MED12L: variants seen among roughly 807,000 people sequenced by gnomAD.
The protein encoded by MED12L is mediator complex subunit 12L, also known as mediator of RNA polymerase II transcription subunit 12-like protein.
MED12L carries 60 observed loss-of-function variants against 281.3 expected under a neutral mutation model. That is an observed-to-expected ratio of 0.21 (90% CI 0.17 to 0.26). MED12L has a LOEUF of 0.26. Among genes scored for constraint, MED12L ranks in the 10% least tolerant of loss-of-function variants. The pLI is 1.00. For synonymous variants in MED12L, 974 were observed against 987.2 expected (o/e 0.99, Z 0.25); for missense variants, 2,146 against 2,680.9 (o/e 0.80, Z 4.41).
intron 2 of MED12L, among the ~76,000 whole-genome samples, chr3:151,106,308 TCTCC>T (rs1560051114): frequency 0.044 from 3,368 of 75,944 alleles, 437 homozygotes; most frequent in African/African-American, 0.2. Flanking sequence ...TCCTTTTCCT[TCTCC>T]CCTCCCCTCC....
In MED12L at chr3:151,198,591, C is replaced by A. The variant is rs780046571; in HGVS notation, c.2250+4925C>A. On this transcript the variant is annotated intron_variant, in intron 16 of 44. Transcript: ENST00000687756. ...GCCAGGAGCAGTGTAGCCTCTTTGG[C>A]TTTGAAGAGTGAAATCCTGGTTGAG... is the stretch of plus-strand genomic sequence containing the variant. 11 of 1,613,882 alleles carry A rather than the reference C, an allele frequency of 6.8e-6. No individual in the cohort carries two copies. In the Admixed American group the frequency reaches 8.3e-5, roughly 12 times the overall value.
chr3:151,357,131 A>T (rs1754031820), intron 19 of MED12L, 82 bp from the exon 20 acceptor site: 1 of 1,183,468 alleles, frequency 8.4e-7, no homozygotes, highest in East Asian at 2.5e-5. Flanking sequence ...ATGACTCAGT[A>T]TATCTATGGT....
intron 5 of MED12L, among the ~76,000 whole-genome samples, chr3:151,140,661 A>G (rs946114391): frequency 6.8e-6 from 1 of 146,712 alleles, no homozygotes; most frequent in African/African-American, 2.7e-5. Flanking sequence ...TATGCCCATG[A>G]TAGTTTTTGA....
At chr3:151,334,196 C>CTTTTTTT (rs71138494) in intron 16 of MED12L, among the ~76,000 whole-genome samples, 13 of 118,202 alleles carry the variant, frequency 1.1e-4, no homozygotes, top group African/African-American at 2.6e-4. Flanking sequence ...TTCTTTCTTT[C>CTTTTTTT]TTTTTTTTTT....
chr3:151,297,917 A>G (rs1428730392), intron 16 of MED12L, among the ~76,000 whole-genome samples: 1 of 152,080 alleles, frequency 6.6e-6, no homozygotes, highest in Non-Finnish European at 1.5e-5. Flanking sequence ...TTCATTCACA[A>G]ATTTCACATT....
chr3:151,253,476 A>G (rs1241505618), intron 16 of MED12L, among the ~76,000 whole-genome samples: 2 of 152,228 alleles, frequency 1.3e-5, no homozygotes, highest in African/African-American at 2.4e-5. Context: ...TAAGCCTGGC[A>G]TGGGCCCTCT....
chr3:151,396,182 G>T (rs1303529690), intron 39 of MED12L, among the ~76,000 whole-genome samples: 1 of 149,136 alleles, frequency 6.7e-6, no homozygotes, highest in Non-Finnish European at 1.5e-5. Context: ...CATGTTTAGA[G>T]CCATTTAAAA....
intron 2 of MED12L, among the ~76,000 whole-genome samples, chr3:151,110,364 T>C (rs572083503): frequency 6.6e-6 from 1 of 152,312 alleles, no homozygotes; most frequent in East Asian, 1.9e-4. Context: ...TTTCCCAAAC[T>C]TGGGGTCTAA....
At chr3:151,388,932 G>A (rs891565743) in intron 37 of MED12L, among the ~76,000 whole-genome samples, 3 of 152,218 alleles carry the variant, frequency 2.0e-5, no homozygotes, top group Non-Finnish European at 4.4e-5. Flanking sequence ...AAATTCCACA[G>A]CATTCTTGCT....
intron 38 of MED12L, among the ~76,000 whole-genome samples, chr3:151,393,521 G>T (rs116693887): frequency 7.3e-6 from 1 of 136,666 alleles, no homozygotes; most frequent in South Asian, 2.3e-4. Context: ...CCCTCCCACC[G>T]TAAAGATAAG....
At chr3:151,361,136 G>A (rs1416498254) in intron 21 of MED12L, among the ~76,000 whole-genome samples, 1 of 152,006 alleles carries the variant, frequency 6.6e-6, no homozygotes, top group Non-Finnish European at 1.5e-5. Flanking sequence ...TATCCTTTGG[G>A]CATTACAGTG....
chr3:151,350,195 C>G lies in MED12L; in HGVS notation c.2387C>G (p.Thr796Arg). The G allele has an allele frequency of 1.9e-6, 3 of 1,613,638 alleles. No homozygotes were observed. The highest frequency in any genetic ancestry group is 2.5e-6 in the Non-Finnish European group (3 of 1,179,718). ...ILKILNKKSTTETGVGDEGQK... is the reference protein window; with the variant it reads ...ILKILNKKSTRETGVGDEGQK... The stretch of plus-strand genomic sequence containing the variant: ...AAAATTCTAAATAAGAAGAGCACCA[C>G]AGAGACAGGGGGTAAAGAACCTTAA... Residue 796 changes from threonine to arginine, a missense_variant, in exon 17 of 45, where the codon ACA becomes AGA. Coordinates refer to ENST00000687756, the MANE Select transcript of MED12L (RefSeq NM_001393769.1).
intron 39 of MED12L, among the ~76,000 whole-genome samples, chr3:151,400,245 C>T (rs929240999): frequency 6.6e-6 from 1 of 152,148 alleles, no homozygotes; most frequent in Non-Finnish European, 1.5e-5. Context: ...TTGCTTTATC[C>T]TGATTTTTTC....
At chr3:151,230,759 C>A (rs1731506838) in intron 16 of MED12L, among the ~76,000 whole-genome samples, 1 of 152,128 alleles carries the variant, frequency 6.6e-6, no homozygotes, top group Non-Finnish European at 1.5e-5. Flanking sequence ...TCATGACACC[C>A]CAATAGCTGT....
chr3:151,157,687 A>T (rs1719463725), intron 6 of MED12L, among the ~76,000 whole-genome samples: 1 of 152,176 alleles, frequency 6.6e-6, no homozygotes, highest in Non-Finnish European at 1.5e-5. Context: ...GCAAGATGTC[A>T]TGTCAATGTG....
intron 16 of MED12L, among the ~76,000 whole-genome samples, chr3:151,206,880 G>A (rs571712905): frequency 5.3e-5 from 8 of 151,842 alleles, no homozygotes; most frequent in South Asian, 2.1e-4. Flanking sequence ...TCCTGACCTC[G>A]TGATCCACCT....
chr3:151,208,210 T>C (rs1425063344), intron 16 of MED12L, among the ~76,000 whole-genome samples: 1 of 152,262 alleles, frequency 6.6e-6, no homozygotes, highest in Non-Finnish European at 1.5e-5. Context: ...CTTGTTTTTC[T>C]TAACAAGAAA....
rs189530124 is a variant in MED12L, at chr3:151,222,324, T to C, written c.2250+28658T>C. Among the ~76,000 whole-genome samples, 3 of 152,186 alleles carry C rather than the reference T, an allele frequency of 2.0e-5. No individual in the cohort carries two copies. The East Asian group carries it at 5.8e-4, about 29-fold the overall frequency. On this transcript the variant is annotated intron_variant, in intron 16 of 44. Coordinates refer to ENST00000687756, the MANE Select transcript of MED12L (RefSeq NM_001393769.1). ...AGACTTGGGGGACTGTTGGAAGACA[T>C]GATTGGTTTTGAAATGTGAAGATAT...
At chr3:151,396,822 G>T (rs57335550) in intron 39 of MED12L, among the ~76,000 whole-genome samples, 1 of 151,778 alleles carries the variant, frequency 6.6e-6, no homozygotes, top group East Asian at 1.9e-4. Flanking sequence ...GGCCATTATG[G>T]GTAAATATAC....
Sources: allele counts gnomAD v4.1 joint callset (sites outside exome capture counted in the v4.1 genomes callset), GRCh38; gene constraint gnomAD v4.1.1; transcripts MANE v1.5; gene names NCBI Gene and HGNC (gene_info 2026-07-23, HGNC 2026-07-21).